The following CCNL1 variants were observed in gnomAD, a reference collection of about 807,000 sequenced individuals.
CCNL1 encodes the protein cyclin-L1.
Under a neutral mutation model 60.6 loss-of-function variants are expected in CCNL1, and 13 were observed. The ratio of observed to expected loss-of-function variants is 0.21; its 90% CI spans 0.14 to 0.34. The LOEUF (loss-of-function observed/expected upper bound fraction) is 0.34. Ranked by LOEUF, CCNL1 falls within the 10% of genes least tolerant of loss-of-function variation. The pLI is 1.00. For synonymous variants in CCNL1, 270 were observed against 244.3 expected, an observed-to-expected ratio of 1.10 and a Z score of -0.98; for missense variants, 481 against 664.3, an observed-to-expected ratio of 0.72 and a Z score of 3.03.
At chr3:157,147,551 G>A, downstream of CCNL1, 3 of 983,478 alleles carry the variant, frequency 3.1e-6, no homozygotes, top group South Asian at 4.7e-5. Flanking sequence ...AAGCAAATCA[G>A]GTTTTTTGGT....
At chr3:157,158,371 T>C (rs1738787854) in intron 3 of CCNL1, among the ~76,000 whole-genome samples, 1 of 152,246 alleles carries the variant, frequency 6.6e-6, no homozygotes, top group Non-Finnish European at 1.5e-5. Flanking sequence ...TTATTCGATT[T>C]ATCGTAGTTC....
At chr3:157,150,419 A>C (rs766959131) in intron 5 of CCNL1, 38 bp from the exon 6 acceptor site, 1 of 1,596,646 alleles carries the variant, frequency 6.3e-7, no homozygotes, top group Admixed American at 1.7e-5. Flanking sequence ...CATGTAAACA[A>C]ACCAGTTCTT....
rs201261786 is a variant in CCNL1, at chr3:157,160,056, T to C, written c.39A>G (p.Ala13=). 2 of 1,560,070 alleles carry C rather than the reference T, an allele frequency of 1.3e-6. No individual in the cohort carries two copies. The highest frequency in any genetic ancestry group is 4.8e-5 in the East Asian group (2 of 41,684). ...SGPHSTATAA[A]AASSAAPSAG... ...CGCTTGGGGCGGCCGATGAGGCGGCTGCGGCAGCAGTAGCTGTCGAATGAG... is the reference window on the plus strand; with the variant it reads ...CGCTTGGGGCGGCCGATGAGGCGGCCGCGGCAGCAGTAGCTGTCGAATGAG... The change falls in exon 1 of 11, where the codon GCA becomes GCG. Residue 13 remains alanine, a synonymous_variant. Transcript: ENST00000295926.
chr3:157,146,701 C>G (rs1187318600), downstream of CCNL1: 1 of 353,666 alleles, frequency 2.8e-6, no homozygotes, highest in Non-Finnish European at 5.5e-6. Context: ...TCTTCAATGT[C>G]TATCTTGTAG....
In CCNL1 at chr3:157,149,987, G is replaced by GAAA. The variant is rs61216814; in HGVS notation, c.880-13_880-11dup. ...GTAATTCATAGTTTGGCTGTTGGAGGAAAAAAAAGTTAGTATTTCTTCCTT... is the reference window on the plus strand; with the variant it reads ...GTAATTCATAGTTTGGCTGTTGGAGGAAAAAAAAAAAGTTAGTATTTCTTCCTT... On this transcript the variant is annotated splice_polypyrimidine_tract_variant and intron_variant, in intron 7 of 10. Coordinates refer to ENST00000295926, the MANE Select transcript of CCNL1 (RefSeq NM_020307.4). The GAAA allele has an allele frequency of 1.3e-4, 205 of 1,598,404 alleles. No homozygotes were observed. The highest frequency in any genetic ancestry group is 5.2e-4 in the Admixed American group (30 of 57,238).
chr3:157,153,154 G>A lies in CCNL1; in HGVS notation c.491C>T (p.Thr164Ile), dbSNP rs373791277. The A allele has an allele frequency of 1.4e-5, 22 of 1,604,272 alleles. No homozygotes were observed. The highest frequency in any genetic ancestry group is 4.5e-5 in the East Asian group (2 of 44,796). Residue 164 changes from threonine to isoleucine, a missense_variant and splice_region_variant, in exon 4 of 11, where the codon ACT becomes ATT. Around this residue, in one of 5 missense-constraint regions of CCNL1, gnomAD observed 130 missense variants for 174.5 expected, o/e 0.75. Transcript: ENST00000295926. The part of the protein sequence containing the change: ...HHLRQLRGKR[T>I]PSPLILDQNY... ...CTGATCAAGGATCAGGGGGCTTGGA[G>A]TCCTATAGTTTGTAAGAAATAAAAT...
At position 157,150,548 on chromosome 3, in the gene CCNL1, A is replaced by C. The variant is rs140969626; in HGVS notation, c.675-167T>G. On this transcript the variant is annotated intron_variant, in intron 5 of 10. Transcript: ENST00000295926. ...TCTTAACTCAAAAAAATCAGTAAGC[A>C]ATAAGAATTTAATACTAGGACCATA... 2.9e-4 allele frequency: 395 copies of C among 1,374,298 alleles called. 2 individuals are homozygous for C. The African/African-American group carries it at 5.5e-3, about 19-fold the overall frequency. 85.1% of individuals were successfully genotyped at this position (1,374,298 alleles called of 1,614,324 possible).
chr3:157,143,602 T>A (rs1737704622), downstream of CCNL1, among the ~76,000 whole-genome samples: 1 of 152,216 alleles, frequency 6.6e-6, no homozygotes, highest in African/African-American at 2.4e-5. Context: ...AGGAAGAGAT[T>A]AAATGATAAA....
At chr3:157,143,274 G>A (rs1273995989), downstream of CCNL1, among the ~76,000 whole-genome samples, 2 of 152,158 alleles carry the variant, frequency 1.3e-5, no homozygotes, top group Admixed American at 6.5e-5. Context: ...TTGGCTCAGG[G>A]CCCACCAGTT....
chr3:157,150,473 T>C (rs1738100045), intron 5 of CCNL1, 92 bp from the exon 6 acceptor site: 1 of 1,488,546 alleles, frequency 6.7e-7, no homozygotes, highest in Admixed American at 2.3e-5. Flanking sequence ...CTTTATTCTT[T>C]TTTCTTCTCT....
intron 3 of CCNL1, among the ~76,000 whole-genome samples, chr3:157,158,247 T>C (rs1269788230): frequency 6.6e-6 from 1 of 152,222 alleles, no homozygotes. Flanking sequence ...ATCTTACTTG[T>C]TAATTTTCTA....
chr3:157,154,933 T>TACATACATACATAC (rs1553850934), intron 3 of CCNL1, among the ~76,000 whole-genome samples: 85 of 147,886 alleles, frequency 5.7e-4, no homozygotes, highest in Admixed American at 3.0e-3. Flanking sequence ...TCTCCATATA[T>TACATACATACATAC]ATACATACAT....
At chr3:157,159,630 G>T in intron 1 of CCNL1, 151 bp from the exon 2 acceptor site, 1 of 995,758 alleles carries the variant, frequency 1.0e-6, no homozygotes, top group Non-Finnish European at 1.4e-6. Context: ...CTCCGCCTCC[G>T]CAGCCCCCCG....
In CCNL1 at chr3:157,156,996, C is replaced by G. The variant is rs770585676; in HGVS notation, c.488+1870G>C. On this transcript the variant is annotated intron_variant, in intron 3 of 10. Coordinates refer to ENST00000295926, the MANE Select transcript of CCNL1 (RefSeq NM_020307.4). ...GCACTGGCTTCTCCTTGGGGATTTT[C>G]GATACTTCACTCACTGTTGCCATGA... is the stretch of plus-strand genomic sequence containing the variant. 4 of 1,289,798 alleles carry G rather than the reference C, an allele frequency of 3.1e-6. No homozygotes were observed. In the South Asian group the frequency reaches 4.9e-5, roughly 16 times the overall value. 79.9% of individuals were successfully genotyped at this position (1,289,798 alleles called of 1,614,324 possible).
In CCNL1 at chr3:157,159,385, C is replaced by T; in HGVS notation, c.378+20G>A. 1.2e-6 allele frequency: 2 copies of T among 1,612,810 alleles called. No homozygotes were observed. Among genetic ancestry groups the T allele is most frequent in the East Asian group, 2.2e-5 (1 of 44,878 alleles). ...TTTCCGGATGAAGAAATCCCTTTTA[C>T]CCGCCTCCGCTGTGCTTACCTCGAA... is the stretch of plus-strand genomic sequence containing the variant. On this transcript the variant is annotated intron_variant, in intron 2 of 10. Transcript: ENST00000295926.
chr3:157,149,818 A>G lies in CCNL1; in HGVS notation c.1021+18T>C, dbSNP rs750517734. ...CTTTCAGTGCCCCCAAGTCATTTTA[A>G]TTCTAAATACATCTTACATGGCTTG... On this transcript the variant is annotated intron_variant, in intron 8 of 10. Coordinates refer to ENST00000295926, the MANE Select transcript of CCNL1 (RefSeq NM_020307.4). The G allele has an allele frequency of 1.2e-5, 20 of 1,605,934 alleles. No individual in the cohort carries two copies. Among genetic ancestry groups the G allele is most frequent in the Non-Finnish European group, 1.7e-5 (20 of 1,177,892 alleles).
chr3:157,159,335 G>A, intron 2 of CCNL1, 70 bp downstream of exon 2: 1 of 1,419,408 alleles, frequency 7.0e-7, no homozygotes, highest in Non-Finnish European at 9.9e-7. Flanking sequence ...AAAGCTGGCT[G>A]CTGACACTAC....
rs1407625070 is a variant in CCNL1, at chr3:157,148,217, A to C, written c.*24T>G. 6.2e-7 allele frequency: 1 copy of C among 1,601,390 alleles called. No individual in the cohort carries two copies. Among genetic ancestry groups the C allele is most frequent in the African/African-American group, 1.3e-5 (1 of 74,384 alleles). On this transcript the variant is annotated 3_prime_UTR_variant, in exon 11 of 11. Transcript: ENST00000295926. Reference sequence around the variant, plus strand: ...TGTAGATAGGCAAAACCAAGAACTGATGCAGGCTCAAAGGAAGAGAAAGTC... The same window carrying C: ...TGTAGATAGGCAAAACCAAGAACTGCTGCAGGCTCAAAGGAAGAGAAAGTC...
chr3:157,155,676 A>T (rs1462837758), intron 3 of CCNL1, among the ~76,000 whole-genome samples: 1 of 152,188 alleles, frequency 6.6e-6, no homozygotes, highest in Non-Finnish European at 1.5e-5. Context: ...AATTTAAAAA[A>T]TATATCTCCA....
Sources: allele counts gnomAD v4.1 joint callset (sites outside exome capture counted in the v4.1 genomes callset), GRCh38; gene constraint gnomAD v4.1.1; regional missense constraint gnomAD v4.1.1; transcripts MANE v1.5; gene names NCBI Gene and HGNC (gene_info 2026-07-23, HGNC 2026-07-21).